Variants in TCF7 observed in about 807,000 individuals in gnomAD.
TCF7 encodes transcription factor 7.
TCF7 carries 19 observed loss-of-function variants against 46.8 expected under a neutral mutation model. The observed-to-expected ratio is 0.41, with a 90% CI of 0.28 to 0.60. The LOEUF (loss-of-function observed/expected upper bound fraction) is 0.60, where lower values mean the gene tolerates loss of function less well. Among genes scored for constraint, TCF7 ranks in the 20% least tolerant of loss-of-function variants. The pLI is 0.35. For missense variants in TCF7, 547 were observed against 504.6 expected (o/e 1.08, Z -0.81); for synonymous variants, 245 against 213.4 (o/e 1.15, Z -1.29).
At chr5:134,145,812 C>A in intron 9 of TCF7, 1 of 1,613,632 alleles carries the variant, frequency 6.2e-7, no homozygotes. Context: ...TTCCTCTAGC[C>A]CAGCTTGAGG....
chr5:134,132,587 G>T (rs1758288835), intron 3 of TCF7, among the ~76,000 whole-genome samples: 4 of 152,236 alleles, frequency 2.6e-5, no homozygotes, highest in Admixed American at 2.6e-4. Flanking sequence ...GCATTTGGGG[G>T]TTTTCAGAGT....
At chr5:134,140,983 T>A (rs907071048) in intron 5 of TCF7, 1 of 325,266 alleles carries the variant, frequency 3.1e-6, no homozygotes, top group African/African-American at 2.2e-5. Context: ...TTGCCCTGTG[T>A]TAGTCGTTTG....
In TCF7 at chr5:134,137,857, G is replaced by A. The variant is rs1003576462; in HGVS notation, c.442-202G>A. ...CCAGAAAGACCAAGAGGCTTTCTAG[G>A]GGGTGGGACTGCTTGGGCAAAGTCT... On this transcript the variant is annotated intron_variant, in intron 3 of 9. Coordinates refer to ENST00000342854, the MANE Select transcript of TCF7 (RefSeq NM_003202.5). The A allele has an allele frequency of 1.9e-5, 8 of 426,924 alleles. No individual in the cohort carries two copies. In the Admixed American group the frequency reaches 3.5e-4, roughly 19 times the overall value. The allele number at this position is 426,924 out of a possible 1,614,324, so 26.4% of individuals were successfully genotyped here.
intron 3 of TCF7, among the ~76,000 whole-genome samples, chr5:134,128,730 C>T (rs2149309660): frequency 6.6e-6 from 1 of 152,134 alleles, no homozygotes; most frequent in African/African-American, 2.4e-5. Flanking sequence ...GGGCTCTCAG[C>T]TCTCACTCTC....
In TCF7 at chr5:134,139,479, C is replaced by A. The variant is rs886889042; in HGVS notation, c.635+441C>A. 4 of 163,960 alleles carry A rather than the reference C, an allele frequency of 2.4e-5. No individual in the cohort carries two copies. In the East Asian group the frequency reaches 6.7e-4, roughly 28 times the overall value. The allele number at this position is 163,960 out of a possible 1,614,324, so 10.2% of individuals were successfully genotyped here. A position where few individuals can be genotyped will look rare whatever the true frequency, so the allele number is the denominator to read the frequency against. On this transcript the variant is annotated intron_variant, in intron 5 of 9. Transcript: ENST00000342854. ...GCCTCAGTGCCTACTGCTTTTGGTC[C>A]TTTCCTTGGCTGAGCTGCTTGAGGG...
At chr5:134,138,599 C>A (rs963816853) in intron 4 of TCF7, 1 of 286,444 alleles carries the variant, frequency 3.5e-6, no homozygotes, top group African/African-American at 2.1e-5. Flanking sequence ...AGCCTTGGCT[C>A]CCCAGGCTGG....
rs1422519185 is a variant in TCF7 at position 134,147,069 on chromosome 5, A to T, written c.*766A>T. The T allele has an allele frequency of 6.3e-6, 1 of 158,060 alleles. No individual in the cohort carries two copies. Among genetic ancestry groups the T allele is most frequent in the African/African-American group, 2.4e-5 (1 of 41,508 alleles). 9.8% of individuals were successfully genotyped at this position (158,060 alleles called of 1,614,324 possible). The stretch of plus-strand genomic sequence containing the variant: ...CCAGCTGCTACTCATAAGTTGGACC[A>T]GAGGAAGCCCCTTACTATGATCTCA... On this transcript the variant is annotated 3_prime_UTR_variant, in exon 10 of 10. Coordinates refer to ENST00000342854, the MANE Select transcript of TCF7 (RefSeq NM_003202.5).
rs528223603 is a variant in TCF7 at position 134,130,508 on chromosome 5, T to G, written c.442-7551T>G. 5.3e-5 allele frequency among the ~76,000 whole-genome samples: 8 copies of G among 152,342 alleles called. No homozygotes were observed. In the East Asian group the frequency reaches 1.3e-3, roughly 26 times the overall value. Reference sequence around the variant, plus strand: ...CACTGTGCTTCCCAAGCCACTGCCCTGGCATGGCATGGCCCAGGTGTCTGT... The same window carrying G: ...CACTGTGCTTCCCAAGCCACTGCCCGGGCATGGCATGGCCCAGGTGTCTGT... On this transcript the variant is annotated intron_variant, in intron 3 of 9. Transcript: ENST00000342854.
intron 3 of TCF7, among the ~76,000 whole-genome samples, chr5:134,120,913 G>C (rs1756488185): frequency 6.6e-6 from 1 of 152,244 alleles, no homozygotes. Flanking sequence ...GCCCAGGGAG[G>C]TGCCAGTGCG....
At chr5:134,125,935 A>G (rs1234221737) in intron 3 of TCF7, among the ~76,000 whole-genome samples, 1 of 152,258 alleles carries the variant, frequency 6.6e-6, no homozygotes, top group Non-Finnish European at 1.5e-5. Flanking sequence ...GACCAACTGC[A>G]AACCACTCTT....
chr5:134,119,948 A>G (rs80312038), intron 3 of TCF7, among the ~76,000 whole-genome samples: 6,963 of 152,242 alleles, frequency 0.046, 460 homozygotes, highest in African/African-American at 0.15. Context: ...GGTACCAGGT[A>G]CTGGGCCCCC....
chr5:134,123,967 T>A (rs1338123782), intron 3 of TCF7, among the ~76,000 whole-genome samples: 1 of 151,962 alleles, frequency 6.6e-6, no homozygotes, highest in Admixed American at 6.6e-5. Context: ...AGGTGAGAAC[T>A]TTCCATTTTC....
intron 5 of TCF7, chr5:134,140,989 G>C: frequency 3.1e-6 from 1 of 322,706 alleles, no homozygotes; most frequent in Non-Finnish European, 6.1e-6. Context: ...TGTGTTAGTC[G>C]TTTGTCCATC....
intron 9 of TCF7, chr5:134,144,584 C>G (rs974961285): frequency 1.8e-5 from 10 of 569,190 alleles, no homozygotes; most frequent in Admixed American, 1.2e-4. Flanking sequence ...TACTGCGTAC[C>G]TGGGTGCCCA....
intron 9 of TCF7, chr5:134,144,321 G>C (rs994356253): frequency 1.8e-5 from 3 of 169,870 alleles, no homozygotes; most frequent in Non-Finnish European, 3.8e-5. Flanking sequence ...CCTTCCATCT[G>C]CAAGTGTGTA....
chr5:134,109,721 G>T (rs184515794), upstream of TCF7, among the ~76,000 whole-genome samples: 344 of 149,014 alleles, frequency 2.3e-3, 1 homozygote, highest in Non-Finnish European at 3.4e-3. Context: ...AGTGAGCCGA[G>T]ATCGTGCCAC....
At chr5:134,115,732 C>A (rs1413212295) in intron 2 of TCF7, 177 bp from the exon 3 acceptor site, 3 of 1,437,232 alleles carry the variant, frequency 2.1e-6, no homozygotes, top group Non-Finnish European at 2.7e-6. Context: ...TCGGGGAGGC[C>A]TGCCCTCCAG....
chr5:134,132,894 G>A (rs1206703401), intron 3 of TCF7, among the ~76,000 whole-genome samples: 1 of 152,160 alleles, frequency 6.6e-6, no homozygotes, highest in Admixed American at 6.5e-5. Flanking sequence ...AAACAAGAAG[G>A]CACGCAGGAG....
the TCF7 span, among the ~76,000 whole-genome samples, chr5:134,109,498 G>A: frequency 6.6e-6 from 1 of 152,054 alleles, no homozygotes; most frequent in Non-Finnish European, 1.5e-5. Context: ...GGCCAGGTGC[G>A]GTGGCTCACG....
Sources: allele counts gnomAD v4.1 joint callset (sites outside exome capture counted in the v4.1 genomes callset), GRCh38; gene constraint gnomAD v4.1.1; transcripts MANE v1.5; gene names NCBI Gene and HGNC (gene_info 2026-07-23, HGNC 2026-07-21).